Variants in HCN1 observed in about 807,000 individuals in gnomAD.
HCN1 encodes the protein hyperpolarization activated cyclic nucleotide gated potassium channel 1.
Under a neutral mutation model 78.9 loss-of-function variants are expected in HCN1, and 13 were observed. The observed-to-expected ratio is 0.16, with a 90% confidence interval of 0.11 to 0.26. HCN1 has a LOEUF of 0.26. HCN1 is among the 10% of genes least tolerant of loss of function. The pLI, the probability that HCN1 is intolerant of heterozygous loss-of-function variation, is 1.00. For synonymous variants in HCN1, 552 were observed against 455.5 expected (o/e 1.21, Z -2.70); for missense variants, 810 against 1,154.3 (o/e 0.70, Z 4.32).
Position 45,543,659 on chromosome 5 carries a change from C to A in HCN1, c.850-81652G>T, listed in dbSNP as rs1355148837. Among the ~76,000 whole-genome samples, 33 of 151,994 alleles carry A rather than the reference C, an allele frequency of 2.2e-4. 1 individual carries two copies. Among genetic ancestry groups the A allele is most frequent in the Admixed American group, 2.2e-3 (33 of 15,200 alleles). On this transcript the variant is annotated intron_variant, in intron 2 of 7. Transcript: ENST00000303230. ...TTCCTAATCCTGGTAAGCTGAATAT[C>A]AAGGAAGTACAGCTTCCATACAATG... is the stretch of plus-strand genomic sequence containing the variant.
intron 5 of HCN1, among the ~76,000 whole-genome samples, chr5:45,324,466 C>T (rs988074966): frequency 1.3e-5 from 2 of 151,904 alleles, no homozygotes; most frequent in African/African-American, 4.8e-5. Context: ...CATCTCACAC[C>T]AGTTAGAATG....
chr5:45,482,543 C>T (rs1167511004), intron 2 of HCN1, among the ~76,000 whole-genome samples: 1 of 152,078 alleles, frequency 6.6e-6, no homozygotes, highest in Non-Finnish European at 1.5e-5. Flanking sequence ...GTTGAGACAC[C>T]TCCAAAACGA....
intron 4 of HCN1, among the ~76,000 whole-genome samples, chr5:45,372,940 AAT>A (rs1003813824): frequency 7.0e-6 from 1 of 142,156 alleles, no homozygotes; most frequent in Admixed American, 7.4e-5. Flanking sequence ...TATACATAAA[AAT>A]ATATAAGTAT....
chr5:45,348,763 A>C (rs1286739004), intron 5 of HCN1, among the ~76,000 whole-genome samples: 1 of 152,214 alleles, frequency 6.6e-6, no homozygotes, highest in African/African-American at 2.4e-5. Context: ...ACAAAGATCA[A>C]AAGAGACAAA....
At chr5:45,448,952 A>G (rs1436318148) in intron 3 of HCN1, among the ~76,000 whole-genome samples, 1 of 152,128 alleles carries the variant, frequency 6.6e-6, no homozygotes, top group Non-Finnish European at 1.5e-5. Flanking sequence ...TGTTTTTACT[A>G]AAAATACAAA....
intron 4 of HCN1, among the ~76,000 whole-genome samples, chr5:45,363,490 C>T (rs531587297): frequency 2.0e-5 from 3 of 152,040 alleles, no homozygotes; most frequent in African/African-American, 7.2e-5. Flanking sequence ...CACAGTTCCT[C>T]AGAGAGTGTC....
At chr5:45,266,432 AACTT>A (rs751529497) in intron 7 of HCN1, among the ~76,000 whole-genome samples, 14 of 152,176 alleles carry the variant, frequency 9.2e-5, no homozygotes, top group Non-Finnish European at 2.1e-4. Flanking sequence ...AAAGTGATAA[AACTT>A]AGTTTGTAAT....
intron 1 of HCN1, among the ~76,000 whole-genome samples, chr5:45,663,237 G>A (rs1479148608): frequency 7.7e-6 from 1 of 129,232 alleles, no homozygotes; most frequent in Non-Finnish European, 1.6e-5. Context: ...ATGGTGCTGG[G>A]AAAACTGGCT....
intron 2 of HCN1, among the ~76,000 whole-genome samples, chr5:45,572,656 T>C (rs1042531036): frequency 5.3e-5 from 8 of 152,144 alleles, no homozygotes; most frequent in African/African-American, 1.9e-4. Context: ...GGTAAAATGG[T>C]CTTACCATAC....
intron 2 of HCN1, among the ~76,000 whole-genome samples, chr5:45,547,190 A>G (rs1186992144): frequency 6.6e-6 from 1 of 151,910 alleles, no homozygotes; most frequent in African/African-American, 2.4e-5. Flanking sequence ...TATGTCTCCA[A>G]CTATATTGAC....
At chr5:45,670,737 T>C (rs1240077955) in intron 1 of HCN1, among the ~76,000 whole-genome samples, 1 of 151,700 alleles carries the variant, frequency 6.6e-6, no homozygotes, top group Non-Finnish European at 1.5e-5. Context: ...TTATAGGAAA[T>C]GATTAAATCC....
chr5:45,347,897 C>T (rs1409241906), intron 5 of HCN1, among the ~76,000 whole-genome samples: 1 of 152,134 alleles, frequency 6.6e-6, no homozygotes, highest in East Asian at 1.9e-4. Context: ...GATTGGTGTA[C>T]CTGAAAGTGA....
chr5:45,492,076 T>C (rs1741895869), intron 2 of HCN1, among the ~76,000 whole-genome samples: 1 of 152,098 alleles, frequency 6.6e-6, no homozygotes, highest in Non-Finnish European at 1.5e-5. Flanking sequence ...TTTATCATGC[T>C]TCACAAGCAG....
At chr5:45,553,044 A>C (rs946115401) in intron 2 of HCN1, among the ~76,000 whole-genome samples, 3 of 151,942 alleles carry the variant, frequency 2.0e-5, no homozygotes, top group South Asian at 2.1e-4. Context: ...GAAAAGCACA[A>C]GCATGAAGGG....
At chr5:45,596,548 G>A (rs908106576) in intron 2 of HCN1, among the ~76,000 whole-genome samples, 1 of 152,082 alleles carries the variant, frequency 6.6e-6, no homozygotes, top group African/African-American at 2.4e-5. Context: ...AACACACAGG[G>A]GCAAGCAGCA....
At chr5:45,656,584 T>C (rs1330115255) in intron 1 of HCN1, among the ~76,000 whole-genome samples, 1 of 152,174 alleles carries the variant, frequency 6.6e-6, no homozygotes, top group Non-Finnish European at 1.5e-5. Context: ...TCTAGTGGCA[T>C]ATTTACTTTT....
chr5:45,311,573 C>A (rs777738761), intron 5 of HCN1, among the ~76,000 whole-genome samples: 1 of 152,108 alleles, frequency 6.6e-6, no homozygotes, highest in Non-Finnish European at 1.5e-5. Flanking sequence ...ATATTAAGTT[C>A]TCTGGAGTGG....
At chr5:45,423,813 C>T (rs1358546150) in intron 3 of HCN1, among the ~76,000 whole-genome samples, 1 of 152,088 alleles carries the variant, frequency 6.6e-6, no homozygotes, top group Admixed American at 6.6e-5. Flanking sequence ...ATATCTTCAA[C>T]TACTCTCTTG....
intron 1 of HCN1, among the ~76,000 whole-genome samples, chr5:45,681,556 TA>T (rs1014084221): frequency 9.1e-4 from 136 of 148,772 alleles, no homozygotes; most frequent in African/African-American, 2.2e-3. Context: ...GTAAACACGA[TA>T]AAAAAAAAAT....
Sources: allele counts gnomAD v4.1 joint callset (sites outside exome capture counted in the v4.1 genomes callset), GRCh38; gene constraint gnomAD v4.1.1; transcripts MANE v1.5; gene names NCBI Gene and HGNC (gene_info 2026-07-23, HGNC 2026-07-21).